Variants in PIEZO1 observed in about 807,000 individuals in gnomAD.
The protein encoded by PIEZO1 is piezo-type mechanosensitive ion channel component 1.
A neutral mutation model predicts 297.2 loss-of-function variants in PIEZO1; 296 were observed. The ratio of observed to expected loss-of-function variants is 1.00; its 90% confidence interval spans 0.91 to 1.10. The LOEUF (loss-of-function observed/expected upper bound fraction) is 1.10. Among genes scored for constraint, PIEZO1 ranks in the 50% least tolerant of loss-of-function variants. PIEZO1 has a pLI of 0.00. For missense variants in PIEZO1, 5,018 were observed against 3,455.5 expected, an observed-to-expected ratio of 1.45 and a Z score of -11.34; for synonymous variants, 2,427 against 1,507.5, an observed-to-expected ratio of 1.61 and a Z score of -14.13.
rs763023161 is a variant in PIEZO1, at chr16:88,725,677, C to T, written c.3976G>A (p.Ala1326Thr). 1.6e-5 allele frequency: 24 copies of T among 1,540,820 alleles called. No individual in the cohort carries two copies. Among genetic ancestry groups the T allele is most frequent in the African/African-American group, 8.2e-5 (6 of 72,774 alleles). The stretch of plus-strand genomic sequence containing the variant: ...TTGAGGTTGGCAGCGTTGTAGAGGG[C>T]GAAGCCCCTGTAGGGAGGCGGGGAT... ...ATALLASRGF[A>T]LYNAANLKSI... Residue 1326 changes from alanine (A) to threonine (T), a missense_variant, in exon 28 of 51, where the codon GCC becomes ACC. Transcript: ENST00000301015.
At chr16:88,746,726 C>T (rs1906078438) in intron 2 of PIEZO1, among the ~76,000 whole-genome samples, 1 of 152,252 alleles carries the variant, frequency 6.6e-6, no homozygotes, top group African/African-American at 2.4e-5. Context: ...CAGGGAAGTC[C>T]TCCCGGGTCC....
chr16:88,739,025 T>G, intron 5 of PIEZO1: 1 of 509,662 alleles, frequency 2.0e-6, no homozygotes, highest in South Asian at 2.3e-5. Context: ...CGTGATGACC[T>G]TGCCAGGTAC....
intron 1 of PIEZO1, among the ~76,000 whole-genome samples, chr16:88,779,603 G>A (rs1015321749): frequency 1.3e-5 from 2 of 152,188 alleles, no homozygotes; most frequent in African/African-American, 4.8e-5. Flanking sequence ...GGCGTGAGAG[G>A]ATGCATGAAT....
At chr16:88,746,453 C>G (rs1345545907) in intron 2 of PIEZO1, among the ~76,000 whole-genome samples, 2 of 152,200 alleles carry the variant, frequency 1.3e-5, no homozygotes, top group African/African-American at 4.8e-5. Context: ...TCTGTTCCCT[C>G]TGCCCCAGCC....
At chr16:88,742,010 C>G in intron 4 of PIEZO1, 43 bp downstream of exon 4, 3 of 1,532,894 alleles carry the variant, frequency 2.0e-6, no homozygotes, top group East Asian at 2.4e-5. Flanking sequence ...CCTGAAATCC[C>G]CAAGGGAGGC....
At chr16:88,721,116 C>T (rs1328922258) in intron 39 of PIEZO1, 50 bp downstream of exon 39, 23 of 1,441,800 alleles carry the variant, frequency 1.6e-5, no homozygotes, top group Non-Finnish European at 2.0e-5. Flanking sequence ...TGCAGTAGCC[C>T]CACTCAGAAA....
chr16:88,774,193 G>A (rs1315978521), intron 1 of PIEZO1, among the ~76,000 whole-genome samples: 2 of 152,160 alleles, frequency 1.3e-5, no homozygotes, highest in Non-Finnish European at 1.5e-5. Context: ...CCACCCACAG[G>A]ATGGCGACGC....
intron 1 of PIEZO1, among the ~76,000 whole-genome samples, chr16:88,752,887 T>C (rs980497333): frequency 6.6e-6 from 1 of 151,268 alleles, no homozygotes. Flanking sequence ...CATCCATTCA[T>C]CCATTCATCC....
intron 1 of PIEZO1, among the ~76,000 whole-genome samples, chr16:88,763,728 T>C (rs1000726118): frequency 4.6e-5 from 7 of 152,136 alleles, no homozygotes; most frequent in Admixed American, 1.3e-4. Context: ...CCACAATGAT[T>C]ACATTGATTA....
At position 88,726,539 on chromosome 16, in the gene PIEZO1, C is replaced by A. The variant is rs1461560705; in HGVS notation, c.3796+8G>T. Reference sequence around the variant, plus strand: ...ACGCCCTCCCCCGCCACCGTCCTGGCCACTCACGGTCATAGTAGCCCTTGA... The same window carrying A: ...ACGCCCTCCCCCGCCACCGTCCTGGACACTCACGGTCATAGTAGCCCTTGA... On this transcript the variant is annotated splice_region_variant and intron_variant, in intron 26 of 50. Transcript: ENST00000301015. 1.9e-6 allele frequency: 3 copies of A among 1,548,678 alleles called. No individual in the cohort carries two copies. The highest frequency in any genetic ancestry group is 2.0e-5 in the Admixed American group (1 of 50,954).
rs1159216158 is a variant in PIEZO1, at chr16:88,720,087, A to T, written c.6146T>A (p.Leu2049Gln). 6.5e-7 allele frequency: 1 copy of T among 1,550,246 alleles called. No homozygotes were observed. Among genetic ancestry groups the T allele is most frequent in the East Asian group, 2.4e-5 (1 of 40,938 alleles). Residue 2049 changes from leucine (L) to glutamine (Q), a missense_variant, in exon 42 of 51, where the codon CTG becomes CAG. Coordinates refer to ENST00000301015, the MANE Select transcript of PIEZO1 (RefSeq NM_001142864.4). ...LAIHLWMFFI[L>Q]PAVTERMFNQ... ...GGCCCACCTCTCAGTGACGGCGGGC[A>T]GGATGAAGAACATCCATAGGTGGAT... is the stretch of plus-strand genomic sequence containing the variant.
Position 88,784,898 on chromosome 16 carries a change from C to A in PIEZO1, c.64+3G>T. The A allele has an allele frequency of 6.9e-7, 1 of 1,439,130 alleles. No homozygotes were observed. Among genetic ancestry groups the A allele is most frequent in the Non-Finnish European group, 9.1e-7 (1 of 1,094,680 alleles). 89.1% of individuals were successfully genotyped at this position (1,439,130 alleles called of 1,614,324 possible). ...CGCCCCCAGGCGCCCGCCCCCCACTCACCAGCCAGCAGCGCGCAGGGCAGC... is the reference window on the plus strand; with the variant it reads ...CGCCCCCAGGCGCCCGCCCCCCACTAACCAGCCAGCAGCGCGCAGGGCAGC... On this transcript the variant is annotated splice_donor_region_variant and intron_variant, in intron 1 of 50. Coordinates refer to ENST00000301015, the MANE Select transcript of PIEZO1 (RefSeq NM_001142864.4).
rs571662346 is a variant in PIEZO1, at chr16:88,767,322, G to A, written c.64+17579C>T. On this transcript the variant is annotated intron_variant, in intron 1 of 50. Transcript: ENST00000301015. Reference sequence around the variant, plus strand: ...CCCCTGGGCCAGGTCCTGCCCATGAGGAAGGAGGTCAGGGGGCTGTGCTGG... The same window carrying A: ...CCCCTGGGCCAGGTCCTGCCCATGAAGAAGGAGGTCAGGGGGCTGTGCTGG... Among the ~76,000 whole-genome samples the A allele has an allele frequency of 2.6e-5, 4 of 152,320 alleles. No homozygotes were observed. In the East Asian group the frequency reaches 7.7e-4, roughly 29 times the overall value.
rs539874808 is a variant in PIEZO1, at chr16:88,734,768, T to C, written c.1879A>G (p.Lys627Glu). The C allele has an allele frequency of 6.5e-7, 1 of 1,550,206 alleles. No individual in the cohort carries two copies. The highest frequency in any genetic ancestry group is 2.0e-5 in the Admixed American group (1 of 51,002). The change falls in exon 15 of 51, where the codon AAG becomes GAG. Residue 627 changes from lysine (K) to glutamate (E), a missense_variant. Coordinates refer to ENST00000301015, the MANE Select transcript of PIEZO1 (RefSeq NM_001142864.4). Reference protein sequence around the residue: ...VYYSLWRKLLKAFWWLVVAYT... With the variant: ...VYYSLWRKLLEAFWWLVVAYT... ...GCCACCACGAGCCACCAGAAGGCCT[T>C]GAGCAGCTTCCGCCACAGGCTGTAG...
chr16:88,732,659 G>A lies in PIEZO1; in HGVS notation c.2738C>T (p.Pro913Leu). 2.6e-6 allele frequency: 4 copies of A among 1,549,740 alleles called. No homozygotes were observed. The highest frequency in any genetic ancestry group is 3.5e-6 in the Non-Finnish European group (4 of 1,146,552). The change falls in exon 20 of 51, where the codon CCT (proline) becomes CTT (leucine). Residue 913 changes from proline to leucine, a missense_variant. By Grantham distance (98) the Pro-to-Leu change is moderately conservative. Transcript: ENST00000301015. ...QSLLYRGPVD[P>L]ANWFGVRKGF... ...TTTCCGCACCCCAAACCAGTTGGCA[G>A]GGTCCACGGGCCCCCGGTACAGCAG...
intron 2 of PIEZO1, chr16:88,742,936 G>C (rs1905784813): frequency 2.6e-6 from 1 of 390,506 alleles, no homozygotes; most frequent in African/African-American, 2.0e-5. Context: ...GGGGCTGAGG[G>C]GCTGCAAGGA....
At chr16:88,742,592 C>G (rs1029252731) in intron 2 of PIEZO1, among the ~76,000 whole-genome samples, 170 bp from the exon 3 acceptor site, 49 of 152,202 alleles carry the variant, frequency 3.2e-4, no homozygotes, top group African/African-American at 1.1e-3. Flanking sequence ...CCACTCCCCA[C>G]GCCTCCCGAG....
intron 5 of PIEZO1, chr16:88,740,724 G>C (rs1905586781): frequency 6.6e-6 from 1 of 152,386 alleles, no homozygotes; most frequent in African/African-American, 2.4e-5. Context: ...TGCGTGGCGA[G>C]CATCAGCTAT....
At chr16:88,765,916 C>T (rs1044730671) in intron 1 of PIEZO1, among the ~76,000 whole-genome samples, 14 of 152,072 alleles carry the variant, frequency 9.2e-5, no homozygotes, top group East Asian at 1.9e-4. Flanking sequence ...TCAGGTGACC[C>T]GCCCACCCAG....
Sources: allele counts gnomAD v4.1 joint callset (sites outside exome capture counted in the v4.1 genomes callset), GRCh38; gene constraint gnomAD v4.1.1; transcripts MANE v1.5; gene names NCBI Gene and HGNC (gene_info 2026-07-23, HGNC 2026-07-21).